PAK5: variants seen among roughly 807,000 people sequenced by gnomAD.
PAK5 encodes serine/threonine-protein kinase PAK 5.
In PAK5, 16 loss-of-function variants were observed where a neutral mutation model predicts 65.9. That is an observed-to-expected ratio of 0.24 (90% confidence interval 0.16 to 0.37). The LOEUF is 0.37. Among genes scored for constraint, PAK5 ranks in the 10% least tolerant of loss-of-function variants. The pLI is 1.00. For missense variants in PAK5, 785 were observed against 903.9 expected, an observed-to-expected ratio of 0.87 and a Z score of 1.69; for synonymous variants, 371 against 354.9, an observed-to-expected ratio of 1.05 and a Z score of -0.51.
intron 7 of PAK5, among the ~76,000 whole-genome samples, chr20:9,545,220 C>A (rs1299131216): frequency 6.6e-6 from 1 of 152,056 alleles, no homozygotes; most frequent in African/African-American, 2.4e-5. Context: ...TAGATATCAT[C>A]AAGGAGGAAA....
In PAK5 at chr20:9,722,974, T is replaced by TC. The variant is rs1038324838; in HGVS notation, c.-161-11540dup. Among the ~76,000 whole-genome samples the TC allele has an allele frequency of 1.1e-4, 17 of 151,808 alleles. 1 individual carries two copies. The highest frequency in any genetic ancestry group is 6.3e-4 in the South Asian group (3 of 4,800). ...TTGAACCCCTGACCTCAAGTGATCCTCCCCCCCTCATTCTCCCAAAGTGCT... is the reference window on the plus strand; with the variant it reads ...TTGAACCCCTGACCTCAAGTGATCCTCCCCCCCCTCATTCTCCCAAAGTGCT... On this transcript the variant is annotated intron_variant, in intron 1 of 9. Coordinates refer to ENST00000353224, the MANE Select transcript of PAK5 (RefSeq NM_177990.4).
intron 1 of PAK5, among the ~76,000 whole-genome samples, chr20:9,798,495 A>T (rs949778681): frequency 6.6e-6 from 1 of 152,154 alleles, no homozygotes; most frequent in Non-Finnish European, 1.5e-5. Context: ...CAGATTTGTG[A>T]TAAGAAGATG....
chr20:9,710,210 C>A (rs2048061518), intron 2 of PAK5, among the ~76,000 whole-genome samples: 1 of 152,062 alleles, frequency 6.6e-6, no homozygotes, highest in Non-Finnish European at 1.5e-5. Context: ...AGTCAGGAGC[C>A]ATCCAGGAAG....
intron 7 of PAK5, among the ~76,000 whole-genome samples, chr20:9,549,251 G>C (rs779198845): frequency 1.3e-5 from 2 of 152,092 alleles, no homozygotes; most frequent in Non-Finnish European, 2.9e-5. Context: ...AGCAGATGGT[G>C]GTGGGCTTTG....
chr20:9,679,412 G>C (rs2047619787), intron 2 of PAK5, among the ~76,000 whole-genome samples: 1 of 152,096 alleles, frequency 6.6e-6, no homozygotes, highest in South Asian at 2.1e-4. Context: ...TATCCTTTGT[G>C]CTTTTAAGAT....
intron 2 of PAK5, among the ~76,000 whole-genome samples, chr20:9,645,988 A>G (rs1292293946): frequency 6.6e-6 from 1 of 152,236 alleles, no homozygotes; most frequent in East Asian, 1.9e-4. Flanking sequence ...TAACTACTAG[A>G]ATGTAAGATC....
At chr20:9,689,475 G>A (rs528219949) in intron 2 of PAK5, among the ~76,000 whole-genome samples, 2 of 152,066 alleles carry the variant, frequency 1.3e-5, no homozygotes, top group East Asian at 1.9e-4. Context: ...GTCTACATCC[G>A]GCAGCCTAAC....
chr20:9,759,479 G>T (rs2048673662), intron 1 of PAK5, among the ~76,000 whole-genome samples: 1 of 152,132 alleles, frequency 6.6e-6, no homozygotes, highest in African/African-American at 2.4e-5. Flanking sequence ...ATATTTCACA[G>T]AATTTAAGGG....
chr20:9,593,874 T>A (rs1320721471), intron 3 of PAK5, among the ~76,000 whole-genome samples: 1 of 152,146 alleles, frequency 6.6e-6, no homozygotes, highest in Non-Finnish European at 1.5e-5. Flanking sequence ...GTAAGAGATG[T>A]GTTCACATTT....
chr20:9,825,171 C>A (rs1346741851), intron 1 of PAK5, among the ~76,000 whole-genome samples: 2 of 152,142 alleles, frequency 1.3e-5, no homozygotes, highest in African/African-American at 4.8e-5. Context: ...AAAGAAAATT[C>A]TTTTCAGTGG....
Position 9,661,988 on chromosome 20 carries a change from G to A in PAK5, c.-11-17649C>T, listed in dbSNP as rs73600252. On this transcript the variant is annotated intron_variant, in intron 2 of 9. Coordinates refer to ENST00000353224, the MANE Select transcript of PAK5 (RefSeq NM_177990.4). ...TCTTCTCTGGACAATAGCTGGTCCT[G>A]GAAGACAGAAGGCCCTTCAGATAAC... Among the ~76,000 whole-genome samples, 273 of 152,208 alleles carry A rather than the reference G, an allele frequency of 1.8e-3. 2 individuals carry two copies. Among genetic ancestry groups the A allele is most frequent in the Admixed American group, 0.013 (200 of 15,288 alleles).
intron 9 of PAK5, among the ~76,000 whole-genome samples, chr20:9,541,451 C>G (rs190151333): frequency 6.6e-6 from 1 of 152,160 alleles, no homozygotes; most frequent in Non-Finnish European, 1.5e-5. Context: ...TTAACCATGA[C>G]CTTCATTGCC....
intron 1 of PAK5, among the ~76,000 whole-genome samples, chr20:9,727,822 G>A (rs537924367): frequency 4.1e-4 from 62 of 152,090 alleles, no homozygotes; most frequent in African/African-American, 1.4e-3. Flanking sequence ...GTTGGTTTCC[G>A]TGTCCTGTGT....
intron 3 of PAK5, among the ~76,000 whole-genome samples, chr20:9,586,146 A>G (rs968980854): frequency 1.3e-5 from 2 of 152,166 alleles, no homozygotes; most frequent in African/African-American, 4.8e-5. Flanking sequence ...TTTGTTTGGA[A>G]TTTATGTCCA....
chr20:9,699,555 T>G (rs986390696), intron 2 of PAK5, among the ~76,000 whole-genome samples: 2 of 78 alleles, frequency 0.026, no homozygotes, highest in African/African-American at 0.067. Context: ...TGCTTCTTGT[T>G]TTTTTTTTTT....
At chr20:9,771,582 A>ATTTTTTTTTTTTTTTTTTTTTTTTTTTT (rs545140358) in intron 1 of PAK5, among the ~76,000 whole-genome samples, 14 of 109,754 alleles carry the variant, frequency 1.3e-4, no homozygotes, top group Admixed American at 2.1e-4. Flanking sequence ...CAATTTTTTA[A>ATTTTTTTTTTTTTTTTTTTTTTTTTTTT]TTTTTTTTTT....
intron 4 of PAK5, among the ~76,000 whole-genome samples, chr20:9,567,049 A>G (rs570554751): frequency 2.6e-5 from 4 of 152,288 alleles, no homozygotes; most frequent in South Asian, 4.1e-4. Context: ...TTACTGGTAT[A>G]TGATACAATA....
intron 1 of PAK5, among the ~76,000 whole-genome samples, chr20:9,775,231 C>T (rs762240429): frequency 6.6e-6 from 1 of 150,884 alleles, no homozygotes; most frequent in African/African-American, 2.5e-5. Context: ...TAGATCTATG[C>T]CTTTCACTGA....
rs1287661429 is a variant in PAK5, at chr20:9,713,969, G to A, written c.-161-2534C>T. 5.9e-5 allele frequency among the ~76,000 whole-genome samples: 9 copies of A among 152,142 alleles called. No individual in the cohort carries two copies. The South Asian group carries it at 8.3e-4, about 14-fold the overall frequency. On this transcript the variant is annotated intron_variant, in intron 1 of 9. Coordinates refer to ENST00000353224, the MANE Select transcript of PAK5 (RefSeq NM_177990.4). The stretch of plus-strand genomic sequence containing the variant: ...TGCCATAGGAAAATTACACTTAACC[G>A]TAATTTACTGTATATTTCAAAATAA...
Sources: allele counts gnomAD v4.1 joint callset (sites outside exome capture counted in the v4.1 genomes callset), GRCh38; gene constraint gnomAD v4.1.1; transcripts MANE v1.5; gene names NCBI Gene and HGNC (gene_info 2026-07-23, HGNC 2026-07-21).